The following ADGRL2 variants were observed in gnomAD, a reference collection of about 807,000 sequenced individuals.
ADGRL2 encodes the protein calcium-independent alpha-latrotoxin receptor 2.
In ADGRL2, 44 loss-of-function variants were observed where a neutral mutation model predicts 157.4. That is an observed-to-expected ratio of 0.28 (90% confidence interval 0.22 to 0.36). ADGRL2 has a LOEUF of 0.36. Ranked by LOEUF, ADGRL2 falls within the 10% of genes least tolerant of loss-of-function variation. ADGRL2 has a pLI of 1.00. For synonymous variants in ADGRL2, 585 were observed against 624.7 expected, an observed-to-expected ratio of 0.94 and a Z score of 0.95; for missense variants, 1,510 against 1,768.9, an observed-to-expected ratio of 0.85 and a Z score of 2.63.
chr1:81,493,737 G>A (rs1257931552), intron 2 of ADGRL2, among the ~76,000 whole-genome samples: 2 of 152,094 alleles, frequency 1.3e-5, no homozygotes, highest in Non-Finnish European at 2.9e-5. Flanking sequence ...AGAAAAAATG[G>A]ACAGAAGAAA....
At chr1:81,768,287 G>T (rs2086215987) in intron 2 of ADGRL2, among the ~76,000 whole-genome samples, 1 of 151,956 alleles carries the variant, frequency 6.6e-6, no homozygotes, top group South Asian at 2.1e-4. Flanking sequence ...GCCTCAAGCG[G>T]TACTCCCAGC....
chr1:81,655,341 C>T (rs1316561707), intron 3 of ADGRL2, among the ~76,000 whole-genome samples: 5 of 152,104 alleles, frequency 3.3e-5, no homozygotes, highest in African/African-American at 9.7e-5. Context: ...CCCCCATTTT[C>T]CAGAAAAAGA....
intron 2 of ADGRL2, among the ~76,000 whole-genome samples, chr1:81,508,549 C>G (rs2079020361): frequency 6.6e-6 from 1 of 152,152 alleles, no homozygotes; most frequent in Non-Finnish European, 1.5e-5. Flanking sequence ...CTTGCATGCC[C>G]TATTGTCCCA....
At chr1:81,872,896 A>G (rs2151044409) in intron 2 of ADGRL2, among the ~76,000 whole-genome samples, 1 of 152,248 alleles carries the variant, frequency 6.6e-6, no homozygotes, top group South Asian at 2.1e-4. Flanking sequence ...AAGTAAAGTT[A>G]AATATGAATA....
intron 3 of ADGRL2, among the ~76,000 whole-genome samples, chr1:81,636,104 G>T (rs1464669999): frequency 6.6e-6 from 1 of 152,082 alleles, no homozygotes; most frequent in Non-Finnish European, 1.5e-5. Context: ...TTGTAGACTG[G>T]CTGACCTAAG....
chr1:81,968,478 A>G (rs2149305960), intron 14 of ADGRL2, among the ~76,000 whole-genome samples: 1 of 152,322 alleles, frequency 6.6e-6, no homozygotes, highest in Admixed American at 6.5e-5. Flanking sequence ...AATGAGCAGC[A>G]ATAGGTCATA....
intron 1 of ADGRL2, among the ~76,000 whole-genome samples, chr1:81,335,812 C>T (rs940870165): frequency 8.0e-5 from 12 of 150,198 alleles, no homozygotes; most frequent in Admixed American, 5.3e-4. Context: ...CTGTGTACCA[C>T]GCAGTAGGGC....
intron 2 of ADGRL2, among the ~76,000 whole-genome samples, chr1:81,492,225 T>A (rs1181530905): frequency 6.6e-6 from 1 of 152,160 alleles, no homozygotes; most frequent in African/African-American, 2.4e-5. Context: ...TAGAAAACGC[T>A]CATGACTTTG....
chr1:81,527,203 A>T (rs1232942644), intron 2 of ADGRL2, among the ~76,000 whole-genome samples: 3 of 152,206 alleles, frequency 2.0e-5, no homozygotes, highest in Admixed American at 6.5e-5. Flanking sequence ...AACAATGCAG[A>T]TCATTTCCTC....
intron 2 of ADGRL2, among the ~76,000 whole-genome samples, chr1:81,465,056 G>A (rs914834491): frequency 7.2e-5 from 11 of 152,100 alleles, no homozygotes; most frequent in Non-Finnish European, 1.5e-4. Context: ...CATTGTCCAA[G>A]TGATACTGTG....
intron 2 of ADGRL2, among the ~76,000 whole-genome samples, chr1:81,762,305 A>T (rs1167278168): frequency 6.6e-6 from 1 of 152,202 alleles, no homozygotes; most frequent in Non-Finnish European, 1.5e-5. Context: ...GCTTTGCAGC[A>T]TCTGTGAATT....
At chr1:81,701,252 T>C (rs543916008) in intron 1 of ADGRL2, among the ~76,000 whole-genome samples, 2 of 152,366 alleles carry the variant, frequency 1.3e-5, no homozygotes, top group East Asian at 3.9e-4. Context: ...TAAACATTAC[T>C]AGAACACTGA....
intron 3 of ADGRL2, among the ~76,000 whole-genome samples, chr1:81,924,200 A>T (rs1014636139): frequency 6.6e-6 from 1 of 152,120 alleles, no homozygotes; most frequent in Non-Finnish European, 1.5e-5. Context: ...TTAGGATTGC[A>T]TGGAGGGCAC....
At chr1:81,589,648 T>C (rs2081094258) in intron 3 of ADGRL2, among the ~76,000 whole-genome samples, 1 of 152,240 alleles carries the variant, frequency 6.6e-6, no homozygotes, top group South Asian at 2.1e-4. Flanking sequence ...GACCTTCACC[T>C]ATGTATCCTT....
intron 1 of ADGRL2, among the ~76,000 whole-genome samples, chr1:81,354,879 T>A (rs1218583885): frequency 6.6e-6 from 1 of 152,184 alleles, no homozygotes; most frequent in Admixed American, 6.5e-5. Flanking sequence ...TCAGGGAATA[T>A]AAAATGGCAT....
At chr1:81,445,958 C>T (rs1467737632) in intron 2 of ADGRL2, among the ~76,000 whole-genome samples, 4 of 151,824 alleles carry the variant, frequency 2.6e-5, no homozygotes, top group Non-Finnish European at 5.9e-5. Flanking sequence ...CCTCACTTTA[C>T]GGATTGTTTC....
chr1:81,480,843 C>T (rs963155294), intron 2 of ADGRL2, among the ~76,000 whole-genome samples: 2 of 152,094 alleles, frequency 1.3e-5, no homozygotes, highest in Admixed American at 6.5e-5. Flanking sequence ...CACATTCAAC[C>T]ATATATGCTG....
At chr1:81,650,550 T>G (rs1269671879) in intron 3 of ADGRL2, among the ~76,000 whole-genome samples, 19 of 134,564 alleles carry the variant, frequency 1.4e-4, no homozygotes, top group African/African-American at 4.9e-4. Flanking sequence ...CACTCTAGCC[T>G]GGCAACAGAG....
chr1:81,466,623 C>T (rs1200855320), intron 2 of ADGRL2, among the ~76,000 whole-genome samples: 1 of 152,072 alleles, frequency 6.6e-6, no homozygotes, highest in Non-Finnish European at 1.5e-5. Context: ...AAAAGCAACC[C>T]AGTGATAAGT....
Sources: allele counts gnomAD v4.1 joint callset (sites outside exome capture counted in the v4.1 genomes callset), GRCh38; gene constraint gnomAD v4.1.1; transcripts MANE v1.5; gene names NCBI Gene and HGNC (gene_info 2026-07-23, HGNC 2026-07-21).